The following WNK1 variants were observed in gnomAD, a reference collection of about 807,000 sequenced individuals.
WNK1 encodes the protein WNK lysine deficient protein kinase 1.
A neutral mutation model predicts 222.8 loss-of-function variants in WNK1; 38 were observed. The ratio of observed to expected loss-of-function variants is 0.17; its 90% CI spans 0.13 to 0.22. The LOEUF is 0.22. Among genes scored for constraint, WNK1 ranks in the 10% least tolerant of loss-of-function variants. The pLI is 1.00. For synonymous variants in WNK1, 1,090 were observed against 1,092.9 expected (o/e 1.00, Z 0.05); for missense variants, 2,348 against 2,918.4 (o/e 0.80, Z 4.50).
chr12:880,556 A>T (rs72650703), intron 11 of WNK1, among the ~76,000 whole-genome samples, 165 bp from the exon 12 acceptor site: 1 of 151,610 alleles, frequency 6.6e-6, no homozygotes, highest in Non-Finnish European at 1.5e-5. Context: ...CTACTACTTC[A>T]TTTCAAGAAT....
intron 1 of WNK1, among the ~76,000 whole-genome samples, chr12:776,786 G>A (rs964261337): frequency 5.3e-5 from 8 of 152,124 alleles, no homozygotes; most frequent in African/African-American, 1.9e-4. Flanking sequence ...GGTGCTTTGG[G>A]AGAGAAGTTG....
intron 1 of WNK1, among the ~76,000 whole-genome samples, chr12:758,669 T>C (rs1940577815): frequency 6.8e-6 from 1 of 147,472 alleles, no homozygotes; most frequent in Non-Finnish European, 1.5e-5. Flanking sequence ...GGTGATTTTT[T>C]CCCTCTTATC....
chr12:893,420 GA>G (rs1954447439), intron 22 of WNK1, among the ~76,000 whole-genome samples: 2 of 152,254 alleles, frequency 1.3e-5, no homozygotes, highest in South Asian at 4.1e-4. Flanking sequence ...AGAATTACAT[GA>G]AAACATAAAA....
In WNK1 at chr12:885,860, A is replaced by G. The variant is rs1953597808; in HGVS notation, c.5056A>G (p.Ser1686Gly). ...VSLETSLVIE[S>G]TVTPGIPTTA... ...ACTGGAGACCTCACTAGTCATAGAG[A>G]GCACTGTCACACCAGGCATCCCAAC... The change falls in exon 19 of 28, where the codon AGC (serine) becomes GGC (glycine). Residue 1686 changes from serine to glycine, a missense_variant. Around this residue, in one of 13 missense-constraint regions of WNK1, gnomAD observed 1,144 missense variants for 1,273.6 expected, o/e 0.90. Coordinates refer to ENST00000315939, the MANE Select transcript of WNK1 (RefSeq NM_018979.4). The G allele has an allele frequency of 1.9e-6, 3 of 1,613,736 alleles. No homozygotes were observed. The African/African-American group carries it at 4.0e-5, about 22-fold the overall frequency.
At chr12:793,286 A>G (rs1945012928) in intron 1 of WNK1, among the ~76,000 whole-genome samples, 1 of 152,160 alleles carries the variant, frequency 6.6e-6, no homozygotes, top group African/African-American at 2.4e-5. Flanking sequence ...TAGCTGTTTT[A>G]TGGAAGAACT....
At chr12:856,712 A>G (rs1950824707) in intron 4 of WNK1, among the ~76,000 whole-genome samples, 1 of 152,326 alleles carries the variant, frequency 6.6e-6, no homozygotes, top group Non-Finnish European at 1.5e-5. Context: ...AAAGATTACT[A>G]TAATAATATA....
intron 1 of WNK1, among the ~76,000 whole-genome samples, chr12:787,013 A>C (rs1422080892): frequency 6.6e-6 from 1 of 151,726 alleles, no homozygotes; most frequent in Non-Finnish European, 1.5e-5. Context: ...CCTTTCTTAG[A>C]TAGATTTATT....
chr12:783,099 T>TA (rs1206157151), intron 1 of WNK1, among the ~76,000 whole-genome samples: 1 of 150,506 alleles, frequency 6.6e-6, no homozygotes, highest in Non-Finnish European at 1.5e-5. Context: ...GAGACGGGGG[T>TA]AGGGTGGGTC....
intron 6 of WNK1, 66 bp from the exon 7 acceptor site, chr12:860,947 G>T: frequency 7.0e-7 from 1 of 1,432,614 alleles, no homozygotes; most frequent in Non-Finnish European, 9.7e-7. Flanking sequence ...TTTGGCGGGG[G>T]GTGGTGGTGG....
intron 15 of WNK1, 47 bp from the exon 16 acceptor site, chr12:883,348 G>A: frequency 6.2e-7 from 1 of 1,604,930 alleles, no homozygotes; most frequent in Non-Finnish European, 8.5e-7. Flanking sequence ...GTGACATAAA[G>A]TTTGAGAAAT....
intron 11 of WNK1, among the ~76,000 whole-genome samples, chr12:880,284 G>T (rs970696538): frequency 6.6e-6 from 1 of 152,148 alleles, no homozygotes; most frequent in African/African-American, 2.4e-5. Context: ...TGCTAGATGT[G>T]GTTAATAGTA....
At position 883,382 on chromosome 12, in the gene WNK1, A is replaced by G. The variant is rs1288649914; in HGVS notation, c.3490-13A>G. 6.2e-6 allele frequency: 10 copies of G among 1,614,066 alleles called. No individual in the cohort carries two copies. The highest frequency in any genetic ancestry group is 1.7e-5 in the Admixed American group (1 of 60,014). On this transcript the variant is annotated splice_polypyrimidine_tract_variant and intron_variant, in intron 15 of 27. Transcript: ENST00000315939. ...ATGACACTAATTAGACTGACATCAC[A>G]TTTCTTTTACAGGTGAACAATGACT... is the stretch of plus-strand genomic sequence containing the variant.
chr12:869,244 G>C, intron 8 of WNK1: 3 of 1,276,204 alleles, frequency 2.4e-6, no homozygotes, highest in Non-Finnish European at 3.4e-6. Context: ...CCCCATCTTT[G>C]GGGGGTTGTG....
intron 9 of WNK1, among the ~76,000 whole-genome samples, chr12:876,926 TA>T (rs1219387078): frequency 6.6e-6 from 1 of 152,126 alleles, no homozygotes; most frequent in African/African-American, 2.4e-5. Flanking sequence ...AGAATAGGAT[TA>T]GGGGTATTTT....
Position 882,008 on chromosome 12 carries a change from C to G in WNK1, c.3307C>G (p.Arg1103Gly), listed in dbSNP as rs1479888138. The G allele has an allele frequency of 1.9e-6, 3 of 1,614,042 alleles. No individual in the cohort carries two copies. Among genetic ancestry groups the G allele is most frequent in the Admixed American group, 3.3e-5 (2 of 60,016 alleles). The change falls in exon 14 of 28, where the codon CGA becomes GGA. Residue 1103 changes from arginine to glycine, a missense_variant. Arg to Gly is a moderately radical substitution (Grantham distance 125). This residue lies in a region of WNK1 where 547 missense variants were observed against 558.3 expected (regional missense o/e 0.98). Transcript: ENST00000315939. ...AGGAAGAACTACAAAACGGCATTAC[C>G]GAAAATCTGTAAGGAGTCGCTCTCG... ...HEGRTTKRHY[R>G]KSVRSRSRHE...
At chr12:842,997 A>G (rs1379051609) in intron 4 of WNK1, among the ~76,000 whole-genome samples, 3 of 152,258 alleles carry the variant, frequency 2.0e-5, no homozygotes, top group Non-Finnish European at 2.9e-5. Context: ...ATGTAGTGGC[A>G]TGATCCCAGC....
intron 1 of WNK1, among the ~76,000 whole-genome samples, chr12:759,686 A>AC (rs1349724994): frequency 2.0e-5 from 3 of 147,710 alleles, no homozygotes; most frequent in Non-Finnish European, 4.5e-5. Context: ...GCATGACCTC[A>AC]GTTTATGTTT....
intron 4 of WNK1, among the ~76,000 whole-genome samples, chr12:845,837 A>G (rs1949988070): frequency 6.6e-6 from 1 of 152,228 alleles, no homozygotes; most frequent in Non-Finnish European, 1.5e-5. Flanking sequence ...AGTGTCACAT[A>G]AAATCAAGCT....
intron 2 of WNK1, among the ~76,000 whole-genome samples, chr12:823,307 T>C (rs1437786047): frequency 6.6e-6 from 1 of 152,230 alleles, no homozygotes; most frequent in Non-Finnish European, 1.5e-5. Flanking sequence ...TTTGGATGTG[T>C]AGATTCATGT....
Sources: allele counts gnomAD v4.1 joint callset (sites outside exome capture counted in the v4.1 genomes callset), GRCh38; gene constraint gnomAD v4.1.1; regional missense constraint gnomAD v4.1.1; transcripts MANE v1.5; gene names NCBI Gene and HGNC (gene_info 2026-07-23, HGNC 2026-07-21).